The following DMD variants were observed in gnomAD, a reference collection of about 807,000 sequenced individuals.
DMD encodes mutant dystrophin.
A neutral mutation model predicts 330.1 loss-of-function variants in DMD; 63 were observed. The ratio of observed to expected loss-of-function variants is 0.19; its 90% confidence interval spans 0.16 to 0.24. The LOEUF is 0.24. Among genes scored for constraint, DMD ranks in the 10% least tolerant of loss-of-function variants. DMD has a pLI of 1.00. For synonymous variants in DMD, 1,223 were observed against 959.8 expected (o/e 1.27, Z -5.07); for missense variants, 3,344 against 2,684.1 (o/e 1.25, Z -5.43).
intron 29 of DMD, among the ~76,000 whole-genome samples, chrX:32,433,377 A>G (rs1263805301): frequency 8.9e-6 from 1 of 111,890 alleles, no homozygotes; most frequent in Non-Finnish European, 1.9e-5. Flanking sequence ...TAGAATGGGA[A>G]TATGAAAAAC....
chrX:32,675,831 GAA>G (rs2061931305), intron 9 of DMD, among the ~76,000 whole-genome samples: 1 of 111,950 alleles, frequency 8.9e-6, no homozygotes, highest in Non-Finnish European at 1.9e-5. Context: ...ATTAATGTAT[GAA>G]AAGTGTTTAC....
At chrX:33,203,871 C>T (rs954309207) in intron 1 of DMD, among the ~76,000 whole-genome samples, 2 of 111,272 alleles carry the variant, frequency 1.8e-5, no homozygotes, top group Non-Finnish European at 3.8e-5. Context: ...CCTAATCCTT[C>T]CTGTTGTTCC....
At chrX:31,125,033 T>C (rs414653) in intron 78 of DMD, among the ~76,000 whole-genome samples, 1 of 111,792 alleles carries the variant, frequency 8.9e-6, no homozygotes, top group Non-Finnish European at 1.9e-5. Context: ...TCTGGAAACT[T>C]GTCTGAACAC....
At chrX:31,310,195 CT>C (rs1279220342) in intron 62 of DMD, among the ~76,000 whole-genome samples, 25 of 72,255 alleles carry the variant, frequency 3.5e-4, no homozygotes, top group African/African-American at 1.4e-3. Context: ...CTCTCTCTCT[CT>C]CTCTCTCTCC....
At chrX:32,669,623 T>C (rs16990572) in intron 9 of DMD, among the ~76,000 whole-genome samples, 3,533 of 111,829 alleles carry the variant, frequency 0.032, 128 homozygotes, top group African/African-American at 0.11. Context: ...TGGTCTTAAC[T>C]GATCTGTTGA....
chrX:31,643,188 T>C (rs1397235784), intron 54 of DMD, among the ~76,000 whole-genome samples: 1 of 112,054 alleles, frequency 8.9e-6, no homozygotes, highest in Non-Finnish European at 1.9e-5. Context: ...CTATATTTTA[T>C]AGTTTGATAA....
intron 1 of DMD, among the ~76,000 whole-genome samples, chrX:33,197,915 A>G (rs949199420): frequency 1.8e-5 from 2 of 110,915 alleles, no homozygotes; most frequent in Non-Finnish European, 3.8e-5. Flanking sequence ...ATAAACATCA[A>G]TTTTCTGGGA....
At chrX:32,225,497 A>G (rs2097144642) in intron 43 of DMD, among the ~76,000 whole-genome samples, 1 of 111,438 alleles carries the variant, frequency 9.0e-6, no homozygotes, top group Non-Finnish European at 1.9e-5. Flanking sequence ...TATGTCAACA[A>G]TTCCTTATTT....
chrX:32,269,104 G>A (rs771662038), intron 43 of DMD, among the ~76,000 whole-genome samples: 17 of 111,201 alleles, frequency 1.5e-4, no homozygotes, highest in Non-Finnish European at 2.6e-4. Context: ...ATGGGCTCCC[G>A]CGTGCGCACT....
intron 1 of DMD, among the ~76,000 whole-genome samples, chrX:33,277,855 C>A (rs1353669739): frequency 9.0e-6 from 1 of 111,362 alleles, no homozygotes; most frequent in Non-Finnish European, 1.9e-5. Context: ...CACCTGTAAT[C>A]TCAGCATTTC....
chrX:31,333,935 T>C (rs958190277), intron 61 of DMD, among the ~76,000 whole-genome samples: 4 of 96,272 alleles, frequency 4.2e-5, no homozygotes, highest in African/African-American at 1.8e-4. Context: ...GATATTCATC[T>C]TTTTTTTTTT....
At chrX:32,443,910 A>G (rs1340918212) in intron 27 of DMD, among the ~76,000 whole-genome samples, 1 of 111,596 alleles carries the variant, frequency 9.0e-6, no homozygotes, top group Non-Finnish European at 1.9e-5. Flanking sequence ...CTTCAGTTAT[A>G]CCAAAATACA....
intron 44 of DMD, among the ~76,000 whole-genome samples, chrX:32,114,970 G>A (rs2096604254): frequency 9.0e-6 from 1 of 111,697 alleles, no homozygotes; most frequent in Admixed American, 9.5e-5. Context: ...AAAACCCAAT[G>A]GTCTATTCTT....
At chrX:31,222,392 CAAAAAAA>C (rs57227723) in intron 64 of DMD, among the ~76,000 whole-genome samples, 2 of 20,626 alleles carry the variant, frequency 9.7e-5, no homozygotes, top group African/African-American at 3.2e-4. Context: ...GACTCCATCT[CAAAAAAA>C]AAAAAAAAAA....
intron 9 of DMD, among the ~76,000 whole-genome samples, chrX:32,693,811 C>G (rs896971522): frequency 3.6e-5 from 4 of 111,459 alleles, no homozygotes; most frequent in Non-Finnish European, 7.5e-5. Flanking sequence ...TGAACCTACT[C>G]TAATCAGCAA....
chrX:32,926,752 CAAA>C (rs745877756), intron 2 of DMD, among the ~76,000 whole-genome samples: 1 of 41,555 alleles, frequency 2.4e-5, no homozygotes. Context: ...ACTCCATCTC[CAAA>C]AAAAAAAAAA....
In DMD at chrX:31,321,607, A is replaced by AAAAAAAGAAAG. The variant is rs1388525572; in HGVS notation, c.9224+1990_9224+1991insCTTTCTTTTTT. ...TCAAAAAAAAAAAAAAAAAAAAAAA[A>AAAAAAAGAAAG]AAAGAAAGAAACCAAGATTTTTATA... On this transcript the variant is annotated intron_variant, in intron 62 of 78. Transcript: ENST00000357033. Among the ~76,000 whole-genome samples, 409 of 88,988 alleles carry AAAAAAAGAAAG rather than the reference A, an allele frequency of 4.6e-3. 6 individuals carry two copies. Among genetic ancestry groups the AAAAAAAGAAAG allele is most frequent in the Non-Finnish European group, 7.2e-3 (349 of 48,607 alleles). 77.3% of individuals were successfully genotyped at this position (88,988 alleles called of 115,157 possible). A position where few individuals can be genotyped will look rare whatever the true frequency, so the allele number is the denominator to read the frequency against.
intron 1 of DMD, among the ~76,000 whole-genome samples, chrX:33,194,544 C>A (rs2050822584): frequency 9.0e-6 from 1 of 111,537 alleles, no homozygotes; most frequent in Non-Finnish European, 1.9e-5. Context: ...TATATCGCAT[C>A]TTTTCTTTGG....
chrX:32,404,966 A>C (rs913000248), intron 30 of DMD, among the ~76,000 whole-genome samples: 1 of 111,681 alleles, frequency 9.0e-6, no homozygotes, highest in Admixed American at 9.6e-5. Context: ...TTAGAGGAAA[A>C]AATCAAAATA....
Sources: allele counts gnomAD v4.1 joint callset (sites outside exome capture counted in the v4.1 genomes callset), GRCh38; gene constraint gnomAD v4.1.1; transcripts MANE v1.5; gene names NCBI Gene and HGNC (gene_info 2026-07-23, HGNC 2026-07-21).